EFHB: variants seen among roughly 807,000 people sequenced by gnomAD.
EFHB encodes the protein EF-hand domain-containing family member B.
EFHB carries 91 observed loss-of-function variants against 87.2 expected under a neutral mutation model. The ratio of observed to expected loss-of-function variants is 1.04; its 90% CI spans 0.88 to 1.24. EFHB has a LOEUF of 1.24. Ranked by LOEUF, EFHB falls within the 50% of genes most tolerant of loss-of-function variation. The probability of loss-of-function intolerance (pLI) is 0.00; values close to 1 mark genes in which losing one functional copy is unlikely to be tolerated. For missense variants in EFHB, 1,084 were observed against 998.8 expected (o/e 1.09, Z -1.15); for synonymous variants, 325 against 333.6 (o/e 0.97, Z 0.28).
rs1345095075 is a variant in EFHB, at chr3:19,933,285, C to A, written c.734G>T (p.Arg245Leu). The A allele has an allele frequency of 6.2e-7, 1 of 1,613,962 alleles. No homozygotes were observed. Residue 245 changes from arginine to leucine, a missense_variant, in exon 1 of 13, where the codon CGC (arginine) becomes CTC (leucine). By Grantham distance (102) the Arg-to-Leu change is moderately radical (BLOSUM62 -2). Transcript: ENST00000295824. ...NIESGVEPPDRIRPIYSGKFF... is the reference protein window; with the variant it reads ...NIESGVEPPDLIRPIYSGKFF... ...CTTCCCAGAGTATATGGGTCTGATG[C>A]GATCTGGAGGTTCCACTCCTGATTC...
chr3:19,900,352 T>C (rs1218520020), intron 6 of EFHB, among the ~76,000 whole-genome samples: 1 of 152,106 alleles, frequency 6.6e-6, no homozygotes, highest in African/African-American at 2.4e-5. Flanking sequence ...CATGGAGAAT[T>C]TATAATACTC....
upstream of EFHB, chr3:19,934,260 C>G (rs1695946756): frequency 2.1e-6 from 3 of 1,416,540 alleles, no homozygotes; most frequent in African/African-American, 1.4e-5. Context: ...GCTTGGCGCT[C>G]AAGTCCTGCT....
upstream of EFHB, among the ~76,000 whole-genome samples, chr3:19,939,177 A>G (rs963181999): frequency 5.4e-5 from 8 of 148,448 alleles, no homozygotes; most frequent in African/African-American, 1.7e-4. Context: ...AAAGTGCTGG[A>G]TTACATGCAC....
At chr3:19,879,844 T>C (rs1216594268) in intron 12 of EFHB, 40 bp from the exon 13 acceptor site, 5 of 1,509,492 alleles carry the variant, frequency 3.3e-6, no homozygotes, top group Non-Finnish European at 4.4e-6. Context: ...ATTTATATGT[T>C]TTAAAACTTG....
At chr3:19,910,020 C>T (rs1695001241) in intron 5 of EFHB, among the ~76,000 whole-genome samples, 1 of 151,864 alleles carries the variant, frequency 6.6e-6, no homozygotes, top group African/African-American at 2.4e-5. Flanking sequence ...AGAGACTTAG[C>T]ACATTACCAG....
intron 11 of EFHB, among the ~76,000 whole-genome samples, chr3:19,883,552 G>A (rs1009560800): frequency 9.2e-5 from 14 of 152,124 alleles, no homozygotes; most frequent in Admixed American, 8.5e-4. Context: ...ATATATGGAT[G>A]TTATAGGTTG....
At chr3:19,936,610 G>A (rs1696027651), upstream of EFHB, among the ~76,000 whole-genome samples, 1 of 152,070 alleles carries the variant, frequency 6.6e-6, no homozygotes, top group Non-Finnish European at 1.5e-5. Context: ...GCTCATACCT[G>A]TAATCCCAGC....
rs1301670553 is a variant in EFHB at position 19,920,490 on chromosome 3, A to G, written c.852+15T>C. The stretch of plus-strand genomic sequence containing the variant: ...GGTAAAAATAGAAATATAAAGGTAT[A>G]TTGAAAGTGCTCACCCTGGGAAGTT... On this transcript the variant is annotated intron_variant, in intron 2 of 12. Coordinates refer to ENST00000295824, the MANE Select transcript of EFHB (RefSeq NM_144715.4). 1.3e-6 allele frequency: 2 copies of G among 1,593,228 alleles called. No individual in the cohort carries two copies. The highest frequency in any genetic ancestry group is 1.8e-5 in the Admixed American group (1 of 55,660).
Position 19,880,747 on chromosome 3 carries a change from G to GT in EFHB, c.2329-944_2329-943insA, listed in dbSNP as rs1439694976. ...GTGATAATTATTAAAACAGATGAAG[G>GT]CGGGGAAAAACATGCTTCTTATGTC... On this transcript the variant is annotated intron_variant, in intron 12 of 12. Transcript: ENST00000295824. 6.6e-5 allele frequency among the ~76,000 whole-genome samples: 10 copies of GT among 152,066 alleles called. No individual in the cohort carries two copies. In the East Asian group the frequency reaches 1.9e-3, roughly 29 times the overall value.
chr3:19,905,869 A>G, intron 5 of EFHB, 120 bp from the exon 6 acceptor site: 1 of 1,271,864 alleles, frequency 7.9e-7, no homozygotes, highest in Non-Finnish European at 1.1e-6. Flanking sequence ...TGAAATTGTA[A>G]CAGTGCAGAA....
rs371467283 is a variant in EFHB, at chr3:19,882,059, A to T, written c.2328+491T>A. Reference sequence around the variant, plus strand: ...AATAAATAAATAAATAAATAAATAAATAATTAAATAAGACAGATGTATTAC... The same window carrying T: ...AATAAATAAATAAATAAATAAATAATTAATTAAATAAGACAGATGTATTAC... On this transcript the variant is annotated intron_variant, in intron 12 of 12. Transcript: ENST00000295824. Among the ~76,000 whole-genome samples, 242 of 107,956 alleles carry T rather than the reference A, an allele frequency of 2.2e-3. No individual in the cohort carries two copies. In the Middle Eastern group the frequency reaches 0.026, roughly 12 times the overall value. 70.8% of individuals were successfully genotyped at this position (107,956 alleles called of 152,430 possible).
At chr3:19,933,173 C>A in intron 1 of EFHB, 57 bp downstream of exon 1, 1 of 1,502,864 alleles carries the variant, frequency 6.7e-7, no homozygotes, top group South Asian at 1.3e-5. Flanking sequence ...TTTATCATCT[C>A]AATAAAGACA....
intron 10 of EFHB, among the ~76,000 whole-genome samples, chr3:19,887,494 CATATGTAT>C (rs1694148846): frequency 6.6e-6 from 1 of 151,226 alleles, no homozygotes; most frequent in African/African-American, 2.4e-5. Flanking sequence ...TACATATACA[CATATGTAT>C]ATATGTATAT....
intron 1 of EFHB, among the ~76,000 whole-genome samples, chr3:19,945,494 G>A (rs146633385): frequency 3.9e-5 from 6 of 152,288 alleles, no homozygotes; most frequent in Admixed American, 3.3e-4. Flanking sequence ...TGGTTTGTGA[G>A]GAGAAGAAAG....
In EFHB at chr3:19,899,508, C is replaced by T. The variant is rs1218664663; in HGVS notation, c.1426G>A (p.Gly476Arg). The change falls in exon 7 of 13, where the codon GGA becomes AGA. Residue 476 changes from glycine (G) to arginine (R), a missense_variant. Gly to Arg is a moderately radical substitution (Grantham distance 125, BLOSUM62 -2). Transcript: ENST00000295824. ...GCTCTTTTGGATACAAACTTAGCTC[C>T]TCTTTTCCTGCAAAATTAGAACATT... is the stretch of plus-strand genomic sequence containing the variant. ...YWLHELQMKR[G>R]AKFVSKRADD... is the part of the protein sequence containing the mutation. The T allele has an allele frequency of 1.3e-6, 2 of 1,596,716 alleles. No homozygotes were observed. The highest frequency in any genetic ancestry group is 1.3e-5 in the African/African-American group (1 of 74,158).
intron 5 of EFHB, among the ~76,000 whole-genome samples, chr3:19,907,599 T>G (rs1486738836): frequency 6.6e-6 from 1 of 152,206 alleles, no homozygotes; most frequent in Non-Finnish European, 1.5e-5. Context: ...TTCATTTACC[T>G]CATATTAGAA....
At chr3:19,910,502 T>C (rs529528474) in intron 5 of EFHB, among the ~76,000 whole-genome samples, 15 of 152,146 alleles carry the variant, frequency 9.9e-5, no homozygotes, top group Non-Finnish European at 1.9e-4. Flanking sequence ...AGTACTTCTG[T>C]ACCCACCCAG....
In EFHB at chr3:19,888,499, A is replaced by G. The variant is rs143556620; in HGVS notation, c.1878T>C (p.Leu626=). 1.8e-5 allele frequency: 29 copies of G among 1,574,198 alleles called. No individual in the cohort carries two copies. In the African/African-American group the frequency reaches 2.3e-4, roughly 12 times the overall value. The stretch of plus-strand genomic sequence containing the variant: ...TAAGAAGCATTTTGTCTTTCCAGTT[A>G]AGAAAATTTGCGAATTCCAGATAGT... ...FINYLEFANF[L]NWKDKMLLKE... is the part of the protein sequence containing the mutation. The change falls in exon 10 of 13, where the codon CTT becomes CTC. Residue 626 remains leucine, a synonymous_variant. Coordinates refer to ENST00000295824, the MANE Select transcript of EFHB (RefSeq NM_144715.4).
chr3:19,934,267 T>G (rs996208977), upstream of EFHB: 4 of 1,402,188 alleles, frequency 2.9e-6, no homozygotes, highest in Admixed American at 9.1e-5. Context: ...GCTCAAGTCC[T>G]GCTTGGACAG....
Sources: allele counts gnomAD v4.1 joint callset (sites outside exome capture counted in the v4.1 genomes callset), GRCh38; gene constraint gnomAD v4.1.1; transcripts MANE v1.5; gene names NCBI Gene and HGNC (gene_info 2026-07-23, HGNC 2026-07-21).